The following CRY1 variants were observed in gnomAD, a reference collection of about 807,000 sequenced individuals.
CRY1 encodes the protein cryptochrome-1.
CRY1 carries 45 observed loss-of-function variants against 76.0 expected under a neutral mutation model. The ratio of observed to expected loss-of-function variants is 0.59; its 90% CI spans 0.47 to 0.76. The LOEUF is 0.76. Ranked by LOEUF, CRY1 falls within the 30% of genes least tolerant of loss-of-function variation. The pLI is 0.00. For missense variants in CRY1, 587 were observed against 716.4 expected (o/e 0.82, Z 2.06); for synonymous variants, 248 against 244.0 (o/e 1.02, Z -0.15).
At chr12:107,014,200 T>C (rs769444121) in intron 2 of CRY1, among the ~76,000 whole-genome samples, 5 of 152,190 alleles carry the variant, frequency 3.3e-5, no homozygotes, top group African/African-American at 1.2e-4. Flanking sequence ...AACCTGCTGG[T>C]TGGCTGAGAA....
intron 1 of CRY1, among the ~76,000 whole-genome samples, chr12:107,031,313 TA>T (rs1952671219): frequency 1.3e-5 from 2 of 151,312 alleles, no homozygotes; most frequent in Admixed American, 6.6e-5. Flanking sequence ...AGGAAGCTAA[TA>T]ATAGATTCAA....
At chr12:107,006,358 G>A (rs1044379464) in intron 2 of CRY1, among the ~76,000 whole-genome samples, 2 of 151,830 alleles carry the variant, frequency 1.3e-5, no homozygotes, top group African/African-American at 4.8e-5. Context: ...CTGAGCGACA[G>A]GAGCGAGGCT....
chr12:107,054,793 T>A (rs1463140635), intron 1 of CRY1, among the ~76,000 whole-genome samples: 1 of 152,022 alleles, frequency 6.6e-6, no homozygotes. Context: ...AGGTTAATAA[T>A]CATCTAAATA....
intron 2 of CRY1, among the ~76,000 whole-genome samples, chr12:107,009,569 T>C (rs377112317): frequency 2.1e-5 from 1 of 48,176 alleles, no homozygotes; most frequent in Non-Finnish European, 4.0e-5. Flanking sequence ...AAAACATATA[T>C]ATATATATAT....
chr12:107,054,533 A>G (rs762728120), intron 1 of CRY1, among the ~76,000 whole-genome samples: 9 of 151,726 alleles, frequency 5.9e-5, no homozygotes, highest in South Asian at 2.1e-4. Context: ...TTTGGTAATT[A>G]TAACAAATGT....
chr12:107,093,096 A>G lies in CRY1; in HGVS notation c.-135T>C. 2.8e-6 allele frequency: 3 copies of G among 1,079,758 alleles called. No individual in the cohort carries two copies. Among genetic ancestry groups the G allele is most frequent in the Non-Finnish European group, 3.8e-6 (3 of 790,116 alleles). The allele number at this position is 1,079,758 out of a possible 1,614,324, so 66.9% of individuals were successfully genotyped here. A position where few individuals can be genotyped will look rare whatever the true frequency, so the allele number is the denominator to read the frequency against. Reference sequence around the variant, plus strand: ...GGGCGGCAGAGGGGGAACAGGAAAAAATGACTCCGAGGAGGGGACCGGAGA... The same window carrying G: ...GGGCGGCAGAGGGGGAACAGGAAAAGATGACTCCGAGGAGGGGACCGGAGA... On this transcript the variant is annotated 5_prime_UTR_variant, in exon 1 of 13. Coordinates refer to ENST00000008527, the MANE Select transcript of CRY1 (RefSeq NM_004075.5).
chr12:107,053,764 A>G (rs1446163531), intron 1 of CRY1, among the ~76,000 whole-genome samples: 2 of 152,214 alleles, frequency 1.3e-5, no homozygotes, highest in East Asian at 3.8e-4. Context: ...AATACAAAGA[A>G]ACTCAGACGG....
chr12:107,012,650 A>G (rs1952458154), intron 2 of CRY1, among the ~76,000 whole-genome samples: 1 of 152,252 alleles, frequency 6.6e-6, no homozygotes, highest in African/African-American at 2.4e-5. Context: ...GTAAGGCTAT[A>G]GCTGCCACAG....
intron 1 of CRY1, among the ~76,000 whole-genome samples, chr12:107,071,685 G>C (rs1341415123): frequency 6.6e-6 from 1 of 151,996 alleles, no homozygotes; most frequent in African/African-American, 2.4e-5. Context: ...CATCTAGCAA[G>C]TCGAAGAAAG....
intron 1 of CRY1, among the ~76,000 whole-genome samples, chr12:107,065,998 G>A (rs1416267715): frequency 6.6e-6 from 1 of 152,180 alleles, no homozygotes. Flanking sequence ...CACAGTCTAT[G>A]ACTATGTTGC....
At position 107,045,747 on chromosome 12, in the gene CRY1, G is replaced by A. The variant is rs868715254; in HGVS notation, c.159-23555C>T. 2.0e-5 allele frequency among the ~76,000 whole-genome samples: 3 copies of A among 152,034 alleles called. No homozygotes were observed. The South Asian group carries it at 6.2e-4, about 32-fold the overall frequency. On this transcript the variant is annotated intron_variant, in intron 1 of 12. Transcript: ENST00000008527. ...GTTGTCCCAGCTCACTCATAGTGGG[G>A]GAACTGAACAATGAGAACACTTGGA... is the stretch of plus-strand genomic sequence containing the variant.
At position 106,999,934 on chromosome 12, in the gene CRY1, G is replaced by A; in HGVS notation, c.825+8C>T. On this transcript the variant is annotated splice_region_variant and intron_variant, in intron 6 of 12. Transcript: ENST00000008527. ...TATTAAACAATAAGCTCTAATTTTA[G>A]AGAATACCTTTTTGTAGAGATCTGT... is the stretch of plus-strand genomic sequence containing the variant. The A allele has an allele frequency of 6.3e-7, 1 of 1,592,522 alleles. No homozygotes were observed. Among genetic ancestry groups the A allele is most frequent in the East Asian group, 2.2e-5 (1 of 44,808 alleles).
intron 1 of CRY1, among the ~76,000 whole-genome samples, chr12:107,038,636 A>C (rs1037579215): frequency 6.6e-6 from 1 of 152,244 alleles, no homozygotes; most frequent in Non-Finnish European, 1.5e-5. Context: ...AGAGGGTCAA[A>C]AAGAAGGAAA....
intron 1 of CRY1, among the ~76,000 whole-genome samples, chr12:107,058,026 A>G (rs1188973305): frequency 6.6e-6 from 1 of 152,190 alleles, no homozygotes; most frequent in Non-Finnish European, 1.5e-5. Context: ...ACTGCACTCC[A>G]GCCTGGGCAA....
intron 1 of CRY1, among the ~76,000 whole-genome samples, chr12:107,045,474 G>C (rs1020967591): frequency 1.3e-5 from 2 of 152,150 alleles, no homozygotes; most frequent in Non-Finnish European, 2.9e-5. Context: ...CATGGCCAAC[G>C]TGGCGAAACC....
At chr12:106,992,740 A>G (rs754962061) in intron 12 of CRY1, 47 bp downstream of exon 12, 1 of 1,407,290 alleles carries the variant, frequency 7.1e-7, no homozygotes, top group East Asian at 2.3e-5. Flanking sequence ...AATTTATGTT[A>G]ATTATATACT....
rs145757502 is a variant in CRY1 at position 107,058,798 on chromosome 12, C to G, written c.158+34006G>C. On this transcript the variant is annotated intron_variant, in intron 1 of 12. Coordinates refer to ENST00000008527, the MANE Select transcript of CRY1 (RefSeq NM_004075.5). ...TAAAGTATTGTTGAATGAATAAATT[C>G]TAACCTGGAATAAGGATTCTAATAC... Among the ~76,000 whole-genome samples the G allele has an allele frequency of 3.5e-3, 527 of 152,256 alleles. 1 individual carries two copies. The highest frequency in any genetic ancestry group is 0.01 in the Middle Eastern group (3 of 294).
At position 107,001,889 on chromosome 12, in the gene CRY1, A is replaced by G; in HGVS notation, c.470T>C (p.Ile157Thr). Residue 157 changes from isoleucine (I) to threonine (T), a missense_variant, in exon 4 of 13, where the codon ATC becomes ACC. Transcript: ENST00000008527. Reference sequence around the variant, plus strand: ...TATCTCTAGTGGTTCCATTTTGCTGATGAGAGTCTGGAATCTTTTATAAGT... The same window carrying G: ...TATCTCTAGTGGTTCCATTTTGCTGGTGAGAGTCTGGAATCTTTTATAAGT... ...PLTYKRFQTL[I>T]SKMEPLEIPV... The G allele has an allele frequency of 6.2e-7, 1 of 1,601,788 alleles. No homozygotes were observed. Among genetic ancestry groups the G allele is most frequent in the Non-Finnish European group, 8.5e-7 (1 of 1,176,942 alleles).
chr12:107,019,577 AAC>A (rs1952531203), intron 2 of CRY1, among the ~76,000 whole-genome samples: 1 of 152,214 alleles, frequency 6.6e-6, no homozygotes, highest in Non-Finnish European at 1.5e-5. Flanking sequence ...AAGAACACAA[AAC>A]ACTTGCTGGT....
Sources: allele counts gnomAD v4.1 joint callset (sites outside exome capture counted in the v4.1 genomes callset), GRCh38; gene constraint gnomAD v4.1.1; transcripts MANE v1.5; gene names NCBI Gene and HGNC (gene_info 2026-07-23, HGNC 2026-07-21).